CIB1: variants seen among roughly 807,000 people sequenced by gnomAD.
CIB1 encodes the protein calcium and integrin-binding protein 1.
In CIB1, 19 loss-of-function variants were observed where a neutral mutation model predicts 25.0. The observed-to-expected ratio is 0.76, with a 90% CI of 0.53 to 1.12. The LOEUF (loss-of-function observed/expected upper bound fraction) is 1.12. Ranked by LOEUF, CIB1 falls within the 50% of genes most tolerant of loss-of-function variation. The pLI, the probability that CIB1 is intolerant of heterozygous loss-of-function variation, is 0.00. For synonymous variants in CIB1, 104 were observed against 98.5 expected (o/e 1.06, Z -0.33); for missense variants, 236 against 242.6 (o/e 0.97, Z 0.18).
the CIB1 span, chr15:90,258,787 A>G: frequency 6.2e-7 from 1 of 1,614,232 alleles, no homozygotes; most frequent in Non-Finnish European, 8.5e-7. Flanking sequence ...GCCTTGATCA[A>G]GAAGTAAAGG....
the CIB1 span, chr15:90,262,277 C>A: frequency 7.5e-7 from 1 of 1,338,092 alleles, no homozygotes; most frequent in Non-Finnish European, 9.9e-7. Flanking sequence ...AAGAGGAAGC[C>A]AGACACCAGC....
the CIB1 span, chr15:90,261,979 T>C: frequency 6.6e-7 from 1 of 1,515,348 alleles, no homozygotes; most frequent in African/African-American, 1.4e-5. Flanking sequence ...AGCCCTACTC[T>C]TGACTCACTG....
the CIB1 span, chr15:90,241,541 G>C: frequency 1.2e-6 from 2 of 1,613,288 alleles, no homozygotes; most frequent in Non-Finnish European, 1.7e-6. Context: ...TGGGAGGCTT[G>C]GCCTCGGTGA....
upstream of CIB1, among the ~76,000 whole-genome samples, chr15:90,235,286 C>A (rs1962608419): frequency 6.6e-6 from 1 of 152,162 alleles, no homozygotes; most frequent in African/African-American, 2.4e-5. Context: ...ATATTCAAGG[C>A]CAGGCGCGGT....
intron 2 of CIB1, among the ~76,000 whole-genome samples, chr15:90,232,700 C>T (rs774199282): frequency 6.6e-6 from 1 of 152,062 alleles, no homozygotes; most frequent in Non-Finnish European, 1.5e-5. Context: ...GGAGGTCAGG[C>T]GTCTGAGACC....
chr15:90,241,940 C>A, the CIB1 span: 1 of 1,614,128 alleles, frequency 6.2e-7, no homozygotes, highest in Non-Finnish European at 8.5e-7. Flanking sequence ...TCAAAACATC[C>A]CAGGACTTCA....
At chr15:90,241,931 C>G in the CIB1 span, 19 of 1,614,142 alleles carry the variant, frequency 1.2e-5, no homozygotes, top group African/African-American at 2.5e-4. Flanking sequence ...ACCTCCCTGT[C>G]AAAACATCCC....
In CIB1 at chr15:90,230,952, C is replaced by T. The variant is rs145803459; in HGVS notation, c.536G>A (p.Arg179His). The stretch of plus-strand genomic sequence containing the variant: ...GTCATACCTGGCAAAGTCTGGAGAA[C>T]GGGAGATGACGTGCTGGAACTCAGA... ...NLSEFQHVIS[R>H]SPDFASSFKI... The change falls in exon 6 of 7, where the codon CGT becomes CAT. Residue 179 changes from arginine (R) to histidine (H), a missense_variant. Physicochemically the swap from Arg to His is conservative, Grantham distance 29 (BLOSUM62 0). Transcript: ENST00000328649. 29 of 1,613,908 alleles carry T rather than the reference C, an allele frequency of 1.8e-5. No individual in the cohort carries two copies. In the Admixed American group the frequency reaches 2.0e-4, roughly 11 times the overall value.
chr15:90,251,273 A>G, the CIB1 span, among the ~76,000 whole-genome samples: 2 of 111,632 alleles, frequency 1.8e-5, no homozygotes, highest in Non-Finnish European at 1.9e-5. Context: ...GCCACCACGC[A>G]TGGCAAATTT....
At chr15:90,265,688 CT>C in the CIB1 span, 5 of 1,612,566 alleles carry the variant, frequency 3.1e-6, no homozygotes, top group African/African-American at 1.3e-5. Flanking sequence ...TCGTAGCCGA[CT>C]GCTGAAGGCT....
At chr15:90,233,558 C>T in intron 2 of CIB1, 111 bp downstream of exon 2, 1 of 1,364,820 alleles carries the variant, frequency 7.3e-7, no homozygotes, top group South Asian at 1.2e-5. Flanking sequence ...CCTCCAGCTC[C>T]CGCTCCTCTG....
Position 90,230,303 on chromosome 15 carries a change from C to A in CIB1, c.*181G>T. Reference sequence around the variant, plus strand: ...AGTACAAACACAAACGGAGCAATGACAACAGCAGTGAGGAGAGGCCCTGAC... The same window carrying A: ...AGTACAAACACAAACGGAGCAATGAAAACAGCAGTGAGGAGAGGCCCTGAC... On this transcript the variant is annotated 3_prime_UTR_variant, in exon 7 of 7. Coordinates refer to ENST00000328649, the MANE Select transcript of CIB1 (RefSeq NM_006384.4). The A allele has an allele frequency of 1.6e-6, 1 of 644,856 alleles. No individual in the cohort carries two copies. The highest frequency in any genetic ancestry group is 2.8e-6 in the Non-Finnish European group (1 of 360,384). The allele number at this position is 644,856 out of a possible 1,614,324, so 39.9% of individuals were successfully genotyped here.
chr15:90,258,705 G>A, the CIB1 span: 58 of 1,565,580 alleles, frequency 3.7e-5, no homozygotes, highest in African/African-American at 7.7e-4. Flanking sequence ...CTGCTCAGGT[G>A]GTCTGGGAAA....
chr15:90,230,450 G>A lies in CIB1; in HGVS notation c.*34C>T. On this transcript the variant is annotated 3_prime_UTR_variant, in exon 7 of 7. Coordinates refer to ENST00000328649, the MANE Select transcript of CIB1 (RefSeq NM_006384.4). Reference sequence around the variant, plus strand: ...ACAGCTCAGCAGTAGAAAGGTTCTTGGACAGGGTGCCAGGACACACGCTGG... The same window carrying A: ...ACAGCTCAGCAGTAGAAAGGTTCTTAGACAGGGTGCCAGGACACACGCTGG... The A allele has an allele frequency of 6.4e-7, 1 of 1,551,086 alleles. No individual in the cohort carries two copies. Among genetic ancestry groups the A allele is most frequent in the Non-Finnish European group, 8.7e-7 (1 of 1,146,686 alleles).
At chr15:90,265,235 T>C in the CIB1 span, 1 of 1,323,150 alleles carries the variant, frequency 7.6e-7, no homozygotes, top group Non-Finnish European at 9.7e-7. Context: ...CCTGGGTTTA[T>C]CGCTAGGTGA....
upstream of CIB1, chr15:90,238,434 A>G (rs1223681846): frequency 6.6e-6 from 1 of 152,174 alleles, no homozygotes; most frequent in African/African-American, 2.4e-5. Flanking sequence ...ACTTAGCTTG[A>G]CTTTTGATAT....
chr15:90,263,185 A>G, the CIB1 span: 1 of 1,473,866 alleles, frequency 6.8e-7, no homozygotes, highest in South Asian at 1.3e-5. Context: ...AAAAGGGAAC[A>G]AGGGCTGTCA....
the CIB1 span, chr15:90,241,437 C>T: frequency 4.3e-6 from 7 of 1,613,564 alleles, no homozygotes; most frequent in Non-Finnish European, 5.9e-6. Flanking sequence ...TGCCCGCCAG[C>T]TCCCCCAGCG....
chr15:90,252,233 C>T, the CIB1 span, among the ~76,000 whole-genome samples: 3,101 of 152,160 alleles, frequency 0.02, 96 homozygotes, highest in African/African-American at 0.067. Context: ...GACAGAGTTT[C>T]TCCATGTTGG....
Sources: gnomAD v4.1 joint callset for allele counts (sites outside exome capture counted in the v4.1 genomes callset) on GRCh38, gnomAD v4.1.1 for gene constraint, MANE v1.5 for transcripts, NCBI Gene and HGNC (gene_info 2026-07-23, HGNC 2026-07-21) for gene names.